The following KIF3A variants were observed in gnomAD, a reference collection of about 807,000 sequenced individuals.
The protein encoded by KIF3A is kinesin family member 3A, also known as kinesin-like protein KIF3A.
In KIF3A, 27 loss-of-function variants were observed where a neutral mutation model predicts 92.6. That is an observed-to-expected ratio of 0.29 (90% confidence interval 0.21 to 0.40). The LOEUF (loss-of-function observed/expected upper bound fraction) is 0.40. Among genes scored for constraint, KIF3A ranks in the 10% least tolerant of loss-of-function variants. The pLI is 1.00. For synonymous variants in KIF3A, 250 were observed against 275.4 expected (o/e 0.91, Z 0.92); for missense variants, 581 against 872.6 (o/e 0.67, Z 4.21).
intron 4 of KIF3A, among the ~76,000 whole-genome samples, chr5:132,722,413 C>T (rs1205067856): frequency 6.6e-6 from 1 of 152,068 alleles, no homozygotes; most frequent in Non-Finnish European, 1.5e-5. Flanking sequence ...CCCTCTTGTC[C>T]TAGAATATTT....
intron 1 of KIF3A, among the ~76,000 whole-genome samples, chr5:132,736,345 G>A (rs959673006): frequency 2.6e-5 from 4 of 152,222 alleles, no homozygotes; most frequent in African/African-American, 9.6e-5. Flanking sequence ...GTTATCATCT[G>A]CAGACCATCA....
chr5:132,734,014 G>A (rs9327638), intron 2 of KIF3A, among the ~76,000 whole-genome samples, 191 bp downstream of exon 2: 18,574 of 152,238 alleles, frequency 0.12, 1,508 homozygotes, highest in Non-Finnish European at 0.19. Flanking sequence ...TTGCTTGGGG[G>A]TGGGTCTGCA....
chr5:132,695,886 C>T lies in KIF3A; in HGVS notation c.*748G>A, dbSNP rs1295322651. On this transcript the variant is annotated 3_prime_UTR_variant, in exon 19 of 19. Transcript: ENST00000403231. ...AGCAGTATTTAGCTTCTTAATTTTC[C>T]GCAACAGTAGATCCTTTATATTTAC... 3 of 152,212 alleles carry T rather than the reference C, an allele frequency of 2.0e-5. No individual in the cohort carries two copies. The highest frequency in any genetic ancestry group is 7.2e-5 in the African/African-American group (3 of 41,414). The allele number at this position is 152,212 out of a possible 1,614,324, so 9.4% of individuals were successfully genotyped here.
At chr5:132,703,749 GA>G in intron 11 of KIF3A, 130 bp from the exon 12 acceptor site, 1 of 633,176 alleles carries the variant, frequency 1.6e-6, no homozygotes. Context: ...ATATTTTAAG[GA>G]AATCAAACCA....
intron 4 of KIF3A, among the ~76,000 whole-genome samples, chr5:132,724,814 T>A (rs867227173): frequency 0.017 from 237 of 13,618 alleles, 4 homozygotes; most frequent in Middle Eastern, 0.056. Context: ...AAAATATATA[T>A]ATATATATAT....
At chr5:132,737,057 G>A (rs1754417568) in intron 1 of KIF3A, 2 of 394,704 alleles carry the variant, frequency 5.1e-6, no homozygotes, top group South Asian at 7.2e-5. Flanking sequence ...CACCAGGTGT[G>A]CAGCATCCAA....
intron 7 of KIF3A, 98 bp downstream of exon 7, chr5:132,716,147 A>T: frequency 9.1e-7 from 1 of 1,102,032 alleles, no homozygotes; most frequent in East Asian, 2.5e-5. Context: ...AAAAAAGTAA[A>T]ATAATCAAGT....
chr5:132,707,575 A>G (rs1041064257), intron 10 of KIF3A, among the ~76,000 whole-genome samples: 1 of 152,232 alleles, frequency 6.6e-6, no homozygotes, highest in Non-Finnish European at 1.5e-5. Flanking sequence ...ATACAAAGTA[A>G]TACCTCTATG....
chr5:132,704,459 T>C (rs1472291684), intron 11 of KIF3A, among the ~76,000 whole-genome samples: 2 of 151,972 alleles, frequency 1.3e-5, no homozygotes, highest in African/African-American at 4.8e-5. Flanking sequence ...TGATTATTTT[T>C]GCTAATAATG....
In KIF3A at chr5:132,700,198, T is replaced by TG. The variant is rs1752985101; in HGVS notation, c.2007+17_2007+18insC. 1 of 1,438,476 alleles carries TG rather than the reference T, an allele frequency of 7.0e-7. No homozygotes were observed. Among genetic ancestry groups the TG allele is most frequent in the African/African-American group, 1.4e-5 (1 of 70,020 alleles). The allele number at this position is 1,438,476 out of a possible 1,614,324, so 89.1% of individuals were successfully genotyped here. On this transcript the variant is annotated intron_variant, in intron 17 of 18. Coordinates refer to ENST00000403231, the MANE Select transcript of KIF3A (RefSeq NM_001300791.2). ...AGTAGTTTTGTGTTTTGTTTTGTTT[T>TG]TTTTTAAGTACTCTTACATCTTTCT...
At position 132,696,590 on chromosome 5, in the gene KIF3A, T is replaced by G. The variant is rs1752844347; in HGVS notation, c.*44A>C. ...TTTAATTAAAGATTTTGTCCAGGCA[T>G]GAGAATATCACTAATTTTTATTGTG... On this transcript the variant is annotated 3_prime_UTR_variant, in exon 19 of 19. Coordinates refer to ENST00000403231, the MANE Select transcript of KIF3A (RefSeq NM_001300791.2). 35 of 1,215,214 alleles carry G rather than the reference T, an allele frequency of 2.9e-5. No individual in the cohort carries two copies. Among genetic ancestry groups the G allele is most frequent in the Non-Finnish European group, 4.0e-5 (33 of 823,842 alleles). 75.3% of individuals were successfully genotyped at this position (1,215,214 alleles called of 1,614,324 possible). A position where few individuals can be genotyped will look rare whatever the true frequency, so the allele number is the denominator to read the frequency against.
At chr5:132,699,367 A>G in intron 17 of KIF3A, 72 bp from the exon 18 acceptor site, 4 of 1,470,540 alleles carry the variant, frequency 2.7e-6, no homozygotes, top group Non-Finnish European at 3.7e-6. Context: ...GAAGATTTAA[A>G]ATACTGAATA....
intron 8 of KIF3A, among the ~76,000 whole-genome samples, chr5:132,712,450 GAATA>G (rs1265654771): frequency 6.6e-6 from 1 of 152,072 alleles, no homozygotes; most frequent in African/African-American, 2.4e-5. Context: ...ATAAATACTT[GAATA>G]AATAAACAAA....
At chr5:132,701,335 C>G (rs750977371) in intron 15 of KIF3A, among the ~76,000 whole-genome samples, 3 of 151,772 alleles carry the variant, frequency 2.0e-5, no homozygotes, top group Non-Finnish European at 4.4e-5. Context: ...CCCATCTCTA[C>G]TAAATATACA....
chr5:132,716,456 G>C lies in KIF3A; in HGVS notation c.757-14C>G, dbSNP rs1038340601. On this transcript the variant is annotated splice_polypyrimidine_tract_variant and intron_variant, in intron 6 of 18. Transcript: ENST00000403231. ...TCTTTCTGAACCCTAGCAATAAACA[G>C]AGATGAAAGTAAAGCTAAAATTTTT... 1 of 1,598,824 alleles carries C rather than the reference G, an allele frequency of 6.3e-7. No homozygotes were observed. The highest frequency in any genetic ancestry group is 8.5e-7 in the Non-Finnish European group (1 of 1,172,584).
chr5:132,699,478 G>A, intron 17 of KIF3A, 183 bp from the exon 18 acceptor site: 1 of 646,812 alleles, frequency 1.5e-6, no homozygotes, highest in Non-Finnish European at 2.8e-6. Flanking sequence ...AGGTTGGTGA[G>A]TAAGAAGCCC....
chr5:132,736,104 T>C (rs1347083121), intron 1 of KIF3A, among the ~76,000 whole-genome samples: 1 of 152,246 alleles, frequency 6.6e-6, no homozygotes. Context: ...GAGAGCACCC[T>C]GCTCTCCCCT....
At position 132,696,590 on chromosome 5, in the gene KIF3A, T is replaced by C; in HGVS notation, c.*44A>G. ...TTTAATTAAAGATTTTGTCCAGGCA[T>C]GAGAATATCACTAATTTTTATTGTG... On this transcript the variant is annotated 3_prime_UTR_variant, in exon 19 of 19. Transcript: ENST00000403231. The C allele has an allele frequency of 8.2e-7, 1 of 1,215,232 alleles. No individual in the cohort carries two copies. The highest frequency in any genetic ancestry group is 1.2e-6 in the Non-Finnish European group (1 of 823,856). The allele number at this position is 1,215,232 out of a possible 1,614,324, so 75.3% of individuals were successfully genotyped here. A position where few individuals can be genotyped will look rare whatever the true frequency, so the allele number is the denominator to read the frequency against.
At chr5:132,714,854 G>A (rs1020922382) in intron 8 of KIF3A, among the ~76,000 whole-genome samples, 20 of 152,180 alleles carry the variant, frequency 1.3e-4, no homozygotes, top group African/African-American at 4.3e-4. Flanking sequence ...TGCACTCACC[G>A]TTAACATCGC....
Sources: gnomAD v4.1 joint callset for allele counts (sites outside exome capture counted in the v4.1 genomes callset) on GRCh38, gnomAD v4.1.1 for gene constraint, MANE v1.5 for transcripts, NCBI Gene and HGNC (gene_info 2026-07-23, HGNC 2026-07-21) for gene names.